Variants in NRXN3 observed in about 807,000 individuals in gnomAD.
NRXN3 encodes neurexin III.
A neutral mutation model predicts 137.6 loss-of-function variants in NRXN3; 32 were observed. The ratio of observed to expected loss-of-function variants is 0.23; its 90% CI spans 0.18 to 0.31. The LOEUF (loss-of-function observed/expected upper bound fraction) is 0.31, where lower values mean the gene tolerates loss of function less well. NRXN3 is among the 10% of genes least tolerant of loss of function. The probability of loss-of-function intolerance (pLI) is 1.00; values close to 1 mark genes in which losing one functional copy is unlikely to be tolerated. For synonymous variants in NRXN3, 798 were observed against 784.5 expected, an observed-to-expected ratio of 1.02 and a Z score of -0.29; for missense variants, 1,574 against 2,062.5, an observed-to-expected ratio of 0.76 and a Z score of 4.59.
Position 78,747,545 on chromosome 14 carries a change from A to G in NRXN3, c.2044+32406A>G, listed in dbSNP as rs191657357. On this transcript the variant is annotated intron_variant, in intron 8 of 20. Coordinates refer to ENST00000335750, the MANE Select transcript of NRXN3 (RefSeq NM_001330195.2). ...GGTGCAAGAGTTTCTCTTTGTACTTAGAGAAGTTGATTTTCTTTTTCCTAA... is the reference window on the plus strand; with the variant it reads ...GGTGCAAGAGTTTCTCTTTGTACTTGGAGAAGTTGATTTTCTTTTTCCTAA... Among the ~76,000 whole-genome samples, 20 of 152,320 alleles carry G rather than the reference A, an allele frequency of 1.3e-4. No homozygotes were observed. In the East Asian group the frequency reaches 3.9e-3, roughly 29 times the overall value.
chr14:78,492,857 CT>C (rs1359580493), intron 4 of NRXN3, among the ~76,000 whole-genome samples: 11 of 152,170 alleles, frequency 7.2e-5, no homozygotes, highest in Non-Finnish European at 1.6e-4. Context: ...AGAATATCAT[CT>C]TGCTATGTGT....
chr14:79,527,293 C>CAAAAAA (rs397954192), intron 16 of NRXN3, among the ~76,000 whole-genome samples: 1 of 58,666 alleles, frequency 1.7e-5, no homozygotes, highest in Non-Finnish European at 3.0e-5. Context: ...GACTCTGTCT[C>CAAAAAA]AAAAAAAAAA....
At chr14:78,290,079 C>A (rs1328793546) in intron 3 of NRXN3, among the ~76,000 whole-genome samples, 1 of 152,206 alleles carries the variant, frequency 6.6e-6, no homozygotes. Context: ...TAATACTCCA[C>A]TTGACTAATG....
chr14:78,579,386 C>T (rs952982431), intron 4 of NRXN3, among the ~76,000 whole-genome samples: 1 of 152,154 alleles, frequency 6.6e-6, no homozygotes, highest in Non-Finnish European at 1.5e-5. Flanking sequence ...TCAGCCTTCT[C>T]CACTTCACTG....
At chr14:78,880,357 C>A (rs1314850283) in intron 10 of NRXN3, among the ~76,000 whole-genome samples, 5 of 151,712 alleles carry the variant, frequency 3.3e-5, no homozygotes, top group Admixed American at 6.6e-5. Flanking sequence ...CATTACCTCT[C>A]TTAGGCTTGA....
At chr14:79,323,964 C>T (rs551954475) in intron 15 of NRXN3, among the ~76,000 whole-genome samples, 1 of 152,274 alleles carries the variant, frequency 6.6e-6, no homozygotes, top group South Asian at 2.1e-4. Flanking sequence ...GAGAGATCAA[C>T]AGTAAATACC....
At chr14:79,271,447 TC>T (rs1302117366) in intron 15 of NRXN3, among the ~76,000 whole-genome samples, 1 of 141,716 alleles carries the variant, frequency 7.1e-6, no homozygotes, top group African/African-American at 2.7e-5. Context: ...CCCCTTTTTT[TC>T]CCTTCCCTTC....
At chr14:79,115,376 A>AAGAGAATC (rs1395902007) in intron 15 of NRXN3, among the ~76,000 whole-genome samples, 1 of 151,954 alleles carries the variant, frequency 6.6e-6, no homozygotes, top group African/African-American at 2.4e-5. Context: ...TCCTTCCAGT[A>AAGAGAATC]AGAGAATCCT....
intron 16 of NRXN3, among the ~76,000 whole-genome samples, chr14:79,566,886 C>T (rs2097555608): frequency 6.6e-6 from 1 of 152,040 alleles, no homozygotes; most frequent in African/African-American, 2.4e-5. Context: ...AGTAAAAATA[C>T]AGTAATTTCG....
intron 15 of NRXN3, among the ~76,000 whole-genome samples, chr14:79,157,343 T>G (rs2153051249): frequency 6.6e-6 from 1 of 151,932 alleles, no homozygotes; most frequent in African/African-American, 2.4e-5. Context: ...CTGGTCAAGC[T>G]CAGTGGTTAC....
intron 15 of NRXN3, among the ~76,000 whole-genome samples, chr14:79,300,717 TC>T (rs149899529): frequency 0.14 from 20,643 of 152,006 alleles, 1,700 homozygotes; most frequent in Non-Finnish European, 0.19. Context: ...TCAAAGCAAG[TC>T]TCAGAATCAG....
chr14:78,803,593 AC>A lies in NRXN3; in HGVS notation c.2045-26del, dbSNP rs1596006692. Reference sequence around the variant, plus strand: ...GGCAACTGTGACATCCGTCATCCTAACGATCTTCTCCATTCTTCTTTGGCAG... The same window carrying A: ...GGCAACTGTGACATCCGTCATCCTAAGATCTTCTCCATTCTTCTTTGGCAG... On this transcript the variant is annotated intron_variant, in intron 8 of 20. Transcript: ENST00000335750. 5.6e-6 allele frequency: 9 copies of A among 1,609,966 alleles called. No homozygotes were observed. In the East Asian group the frequency reaches 2.0e-4, roughly 36 times the overall value.
At chr14:79,053,382 A>G (rs2099644801) in intron 15 of NRXN3, among the ~76,000 whole-genome samples, 1 of 152,198 alleles carries the variant, frequency 6.6e-6, no homozygotes, top group African/African-American at 2.4e-5. Context: ...ACAGGTAGGA[A>G]GTGACAGAGC....
At chr14:78,977,067 C>T (rs1352943440) in intron 14 of NRXN3, among the ~76,000 whole-genome samples, 59 of 152,096 alleles carry the variant, frequency 3.9e-4, no homozygotes, top group Non-Finnish European at 2.9e-5. Context: ...ATACATATCT[C>T]CCTTATACAG....
chr14:79,243,528 C>CA (rs1304115377), intron 15 of NRXN3, among the ~76,000 whole-genome samples: 1 of 152,100 alleles, frequency 6.6e-6, no homozygotes, highest in East Asian at 1.9e-4. Context: ...GTACTATAGC[C>CA]ACATGTCTCA....
intron 17 of NRXN3, among the ~76,000 whole-genome samples, chr14:79,665,813 C>T (rs1261513363): frequency 6.6e-6 from 1 of 152,046 alleles, no homozygotes; most frequent in Non-Finnish European, 1.5e-5. Flanking sequence ...TTCTTTAGTT[C>T]CAAATTATGG....
At chr14:79,802,231 A>G (rs1467949331) in intron 19 of NRXN3, among the ~76,000 whole-genome samples, 1 of 152,032 alleles carries the variant, frequency 6.6e-6, no homozygotes, top group East Asian at 1.9e-4. Context: ...TCTTGAAAGG[A>G]GCTCATTAGA....
At chr14:79,404,296 A>G (rs1248945219) in intron 15 of NRXN3, among the ~76,000 whole-genome samples, 1 of 152,194 alleles carries the variant, frequency 6.6e-6, no homozygotes, top group Admixed American at 6.5e-5. Context: ...TAATAATTCA[A>G]ATGTTTCAGA....
intron 19 of NRXN3, among the ~76,000 whole-genome samples, chr14:79,761,185 A>G (rs1428976722): frequency 1.3e-5 from 2 of 151,586 alleles, no homozygotes; most frequent in African/African-American, 4.9e-5. Flanking sequence ...TTAGCTTTTG[A>G]GTCAACAGTA....
Sources: allele counts gnomAD v4.1 joint callset (sites outside exome capture counted in the v4.1 genomes callset), GRCh38; gene constraint gnomAD v4.1.1; transcripts MANE v1.5; gene names NCBI Gene and HGNC (gene_info 2026-07-23, HGNC 2026-07-21).